ADCY9: variants seen among roughly 807,000 people sequenced by gnomAD.
ADCY9 encodes the protein adenylate cyclase type 9.
Under a neutral mutation model 101.5 loss-of-function variants are expected in ADCY9, and 50 were observed. The ratio of observed to expected loss-of-function variants is 0.49; its 90% confidence interval spans 0.39 to 0.62. The LOEUF (loss-of-function observed/expected upper bound fraction) is 0.62. Ranked by LOEUF, ADCY9 falls within the 20% of genes least tolerant of loss-of-function variation. The probability of loss-of-function intolerance (pLI) is 0.00; values close to 1 mark genes in which losing one functional copy is unlikely to be tolerated. For synonymous variants in ADCY9, 905 were observed against 769.3 expected, an observed-to-expected ratio of 1.18 and a Z score of -2.92; for missense variants, 1,662 against 1,800.4, an observed-to-expected ratio of 0.92 and a Z score of 1.39.
chr16:3,996,222 C>T (rs955326272), intron 3 of ADCY9, among the ~76,000 whole-genome samples: 1 of 152,050 alleles, frequency 6.6e-6, no homozygotes, highest in African/African-American at 2.4e-5. Flanking sequence ...ATTAGCTGAC[C>T]TTGATGGCAC....
In ADCY9 at chr16:4,097,553, A is replaced by ATATTTTTTT. The variant is rs1382458827; in HGVS notation, c.1693+16196_1693+16197insAAAAAAATA. ...CATATATATATATATATATATATAT[A>ATATTTTTTT]TTTTTTTTTTTTTTTTTTAAGACAG... On this transcript the variant is annotated intron_variant, in intron 2 of 10. Coordinates refer to ENST00000294016, the MANE Select transcript of ADCY9 (RefSeq NM_001116.4). 4.2e-3 allele frequency among the ~76,000 whole-genome samples: 226 copies of ATATTTTTTT among 53,382 alleles called. 5 individuals carry two copies. Among genetic ancestry groups the ATATTTTTTT allele is most frequent in the African/African-American group, 6.5e-3 (75 of 11,570 alleles). The allele number at this position is 53,382 out of a possible 152,430, so 35.0% of individuals were successfully genotyped here. A position where few individuals can be genotyped will look rare whatever the true frequency, so the allele number is the denominator to read the frequency against.
At chr16:4,040,125 C>T (rs1179439804) in intron 2 of ADCY9, among the ~76,000 whole-genome samples, 1 of 152,148 alleles carries the variant, frequency 6.6e-6, no homozygotes, top group East Asian at 1.9e-4. Context: ...CCAATGGCGG[C>T]ATTCATCTAG....
At chr16:4,021,220 G>T (rs1316275690) in intron 2 of ADCY9, among the ~76,000 whole-genome samples, 1 of 152,312 alleles carries the variant, frequency 6.6e-6, no homozygotes, top group African/African-American at 2.4e-5. Flanking sequence ...CGTGCCATGG[G>T]TGCTCTCCAA....
At chr16:3,956,771 A>G (rs2055908999) in intron 5 of ADCY9, among the ~76,000 whole-genome samples, 1 of 151,764 alleles carries the variant, frequency 6.6e-6, no homozygotes, top group South Asian at 2.1e-4. Context: ...CTGAGACTAC[A>G]GGCGTGAGCC....
intron 2 of ADCY9, among the ~76,000 whole-genome samples, chr16:4,007,823 GT>G (rs1406189865): frequency 1.6e-4 from 25 of 152,020 alleles, no homozygotes; most frequent in African/African-American, 6.0e-4. Context: ...TACCTTCAGG[GT>G]TAAAATAAGC....
chr16:4,078,577 A>C (rs1597212044), intron 2 of ADCY9, among the ~76,000 whole-genome samples: 1 of 140,020 alleles, frequency 7.1e-6, no homozygotes, highest in Admixed American at 7.1e-5. Flanking sequence ...AAAAAAAAGA[A>C]AACAAAAACA....
intron 2 of ADCY9, among the ~76,000 whole-genome samples, chr16:4,095,998 A>AAT (rs2057001437): frequency 6.8e-6 from 1 of 146,274 alleles, no homozygotes; most frequent in South Asian, 2.1e-4. Context: ...AAAAAAAAAA[A>AAT]TCAAATGGGG....
chr16:4,084,268 C>A (rs370838342), intron 2 of ADCY9, among the ~76,000 whole-genome samples: 148 of 151,502 alleles, frequency 9.8e-4, no homozygotes, highest in African/African-American at 3.4e-3. Context: ...CCCACCACCA[C>A]GCCCAGCTAA....
chr16:4,059,920 G>A (rs1219004527), intron 2 of ADCY9, among the ~76,000 whole-genome samples: 1 of 152,174 alleles, frequency 6.6e-6, no homozygotes, highest in Non-Finnish European at 1.5e-5. Context: ...ATAAAATGAA[G>A]AAGAAAAATG....
chr16:3,956,140 T>C (rs2141661419), intron 5 of ADCY9, among the ~76,000 whole-genome samples: 1 of 152,240 alleles, frequency 6.6e-6, no homozygotes, highest in Admixed American at 6.5e-5. Context: ...GCTCAAGTGA[T>C]CTTCCCGTCT....
chr16:3,988,090 T>C (rs2056209621), intron 6 of ADCY9, among the ~76,000 whole-genome samples: 1 of 151,742 alleles, frequency 6.6e-6, no homozygotes, highest in African/African-American at 2.4e-5. Context: ...GAGCTGAGCA[T>C]CTAGGGAGGG....
At chr16:4,001,911 G>C (rs1287702754) in intron 3 of ADCY9, among the ~76,000 whole-genome samples, 1 of 151,980 alleles carries the variant, frequency 6.6e-6, no homozygotes, top group Non-Finnish European at 1.5e-5. Flanking sequence ...ACCACACCCG[G>C]CTAATTTTTA....
At chr16:4,097,750 T>C (rs937221297) in intron 2 of ADCY9, among the ~76,000 whole-genome samples, 2 of 151,368 alleles carry the variant, frequency 1.3e-5, no homozygotes, top group African/African-American at 4.9e-5. Context: ...TTTCTCCACG[T>C]TGGCCAGGCT....
intron 2 of ADCY9, among the ~76,000 whole-genome samples, chr16:4,007,964 C>T (rs1307926879): frequency 6.6e-6 from 1 of 152,134 alleles, no homozygotes; most frequent in Admixed American, 6.5e-5. Context: ...ACCTTCCTAA[C>T]GGTCAGTCTA....
chr16:4,113,224 ACTCCGTCTAATT>A (rs760081164), intron 2 of ADCY9, among the ~76,000 whole-genome samples: 12 of 152,042 alleles, frequency 7.9e-5, no homozygotes, highest in Non-Finnish European at 1.8e-4. Context: ...GAGGTAAGTA[ACTCCGTCTAATT>A]CTCCAGAGAC....
intron 2 of ADCY9, among the ~76,000 whole-genome samples, chr16:4,086,914 C>A (rs1172814655): frequency 6.6e-6 from 1 of 152,080 alleles, no homozygotes; most frequent in African/African-American, 2.4e-5. Flanking sequence ...CCCACCTAGG[C>A]CTCCCAGAGT....
At chr16:4,048,322 A>C (rs553444322) in intron 2 of ADCY9, among the ~76,000 whole-genome samples, 1 of 152,228 alleles carries the variant, frequency 6.6e-6, no homozygotes, top group South Asian at 2.1e-4. Context: ...TCAAATTTCC[A>C]TTTGTTCTTT....
chr16:4,085,764 G>A (rs552456759), intron 2 of ADCY9, among the ~76,000 whole-genome samples: 16 of 151,932 alleles, frequency 1.1e-4, no homozygotes, highest in Non-Finnish European at 2.1e-4. Context: ...CCCTGGACCC[G>A]CTGAGCCAGA....
intron 10 of ADCY9, among the ~76,000 whole-genome samples, chr16:3,971,986 G>A (rs1193770795): frequency 2.0e-5 from 3 of 152,190 alleles, no homozygotes; most frequent in Non-Finnish European, 2.9e-5. Flanking sequence ...GGAGAGGAAG[G>A]CAGAGCACAG....
Sources: gnomAD v4.1 joint callset for allele counts (sites outside exome capture counted in the v4.1 genomes callset) on GRCh38, gnomAD v4.1.1 for gene constraint, MANE v1.5 for transcripts, NCBI Gene and HGNC (gene_info 2026-07-23, HGNC 2026-07-21) for gene names.